Variants in RBFOX3 observed in about 807,000 individuals in gnomAD.
The protein encoded by RBFOX3 is RNA binding protein fox-1 homolog 3.
A neutral mutation model predicts 48.7 loss-of-function variants in RBFOX3; 17 were observed. The observed-to-expected ratio is 0.35, with a 90% confidence interval of 0.24 to 0.52. The LOEUF is 0.52. Ranked by LOEUF, RBFOX3 falls within the 20% of genes least tolerant of loss-of-function variation. The pLI, the probability that RBFOX3 is intolerant of heterozygous loss-of-function variation, is 0.94. For missense variants in RBFOX3, 382 were observed against 497.5 expected (o/e 0.77, Z 2.21); for synonymous variants, 212 against 209.5 (o/e 1.01, Z -0.10).
At chr17:79,312,062 C>T (rs1312992854) in intron 2 of RBFOX3, among the ~76,000 whole-genome samples, 3 of 152,156 alleles carry the variant, frequency 2.0e-5, no homozygotes, top group Non-Finnish European at 4.4e-5. Flanking sequence ...GTATCAATAA[C>T]TGCAAAGCAA....
At chr17:79,570,367 T>C (rs1385446498) in intron 1 of RBFOX3, among the ~76,000 whole-genome samples, 3 of 152,078 alleles carry the variant, frequency 2.0e-5, no homozygotes, top group African/African-American at 7.2e-5. Context: ...GAATGGTAGA[T>C]GGACAGATGG....
At chr17:79,562,285 A>G (rs1326589428) in intron 1 of RBFOX3, among the ~76,000 whole-genome samples, 3 of 152,088 alleles carry the variant, frequency 2.0e-5, no homozygotes, top group African/African-American at 7.2e-5. Context: ...CCATCCACAC[A>G]CGGAGCTGAG....
intron 4 of RBFOX3, among the ~76,000 whole-genome samples, chr17:79,138,824 C>CT (rs1239581814): frequency 2.2e-5 from 3 of 134,220 alleles, no homozygotes; most frequent in Non-Finnish European, 4.6e-5. Flanking sequence ...TTCACACCCC[C>CT]TCACCCACAC....
chr17:79,175,320 G>C (rs1278062399), intron 4 of RBFOX3, among the ~76,000 whole-genome samples: 1 of 152,240 alleles, frequency 6.6e-6, no homozygotes, highest in African/African-American at 2.4e-5. Context: ...GCTCACGCTA[G>C]GCCACCAGGC....
At chr17:79,631,449 A>G in the RBFOX3 span, among the ~76,000 whole-genome samples, 33 of 152,112 alleles carry the variant, frequency 2.2e-4, no homozygotes, top group Non-Finnish European at 4.7e-4. Flanking sequence ...AGTGTCAGAC[A>G]CCAGCTTGTA....
At chr17:79,372,099 C>G (rs1165428508) in intron 2 of RBFOX3, among the ~76,000 whole-genome samples, 1 of 152,156 alleles carries the variant, frequency 6.6e-6, no homozygotes, top group East Asian at 1.9e-4. Context: ...ACGCCAGTAA[C>G]TGCGAGGATG....
chr17:79,564,469 A>C (rs2092379527), intron 1 of RBFOX3, among the ~76,000 whole-genome samples: 1 of 152,198 alleles, frequency 6.6e-6, no homozygotes, highest in Non-Finnish European at 1.5e-5. Context: ...ACATCTTAAT[A>C]GGAGCCGAAC....
intron 2 of RBFOX3, among the ~76,000 whole-genome samples, chr17:79,385,531 G>A (rs576152345): frequency 6.6e-6 from 1 of 152,226 alleles, no homozygotes; most frequent in African/African-American, 2.4e-5. Context: ...CAGAGCTGCT[G>A]GCTGAGCCTG....
At chr17:79,476,886 G>A (rs368600170) in intron 2 of RBFOX3, among the ~76,000 whole-genome samples, 30 of 151,188 alleles carry the variant, frequency 2.0e-4, no homozygotes, top group African/African-American at 7.0e-4. Flanking sequence ...AAGAAGTAGG[G>A]GGAGAGAAAA....
At chr17:79,496,135 C>A (rs960374825) in intron 1 of RBFOX3, among the ~76,000 whole-genome samples, 6 of 151,968 alleles carry the variant, frequency 3.9e-5, no homozygotes, top group African/African-American at 7.3e-5. Context: ...TGAGAGTCCC[C>A]CTCTCGGGCT....
At chr17:79,487,913 G>GAAA (rs60345819) in intron 1 of RBFOX3, among the ~76,000 whole-genome samples, 6 of 76,912 alleles carry the variant, frequency 7.8e-5, no homozygotes, top group East Asian at 4.0e-4. Context: ...CCCCATCTCA[G>GAAA]AAAAAAAAAA....
At chr17:79,464,606 T>C (rs1410171353) in intron 2 of RBFOX3, among the ~76,000 whole-genome samples, 2 of 152,204 alleles carry the variant, frequency 1.3e-5, no homozygotes, top group African/African-American at 4.8e-5. Context: ...CAACTCTTTT[T>C]ATAGCAAGTG....
rs1451148998 is a variant in RBFOX3 at position 79,252,091 on chromosome 17, TG to T, written c.-73-16287del. On this transcript the variant is annotated intron_variant, in intron 3 of 14. Transcript: ENST00000693108. The surrounding 1 kb of genome is among the most constrained non-coding windows in gnomAD (Gnocchi z 4.0). Reference sequence around the variant, plus strand: ...ATGCCTCTGGAAGCACACTTTGTCCTGGGCTGGCCCACACCCTCCTGGTCTC... The same window carrying T: ...ATGCCTCTGGAAGCACACTTTGTCCTGGCTGGCCCACACCCTCCTGGTCTC... Among the ~76,000 whole-genome samples the T allele has an allele frequency of 6.6e-6, 1 of 152,200 alleles. No individual in the cohort carries two copies. The highest frequency in any genetic ancestry group is 1.5e-5 in the Non-Finnish European group (1 of 68,028).
intron 2 of RBFOX3, among the ~76,000 whole-genome samples, chr17:79,426,463 G>A (rs1290338604): frequency 6.6e-6 from 1 of 152,204 alleles, no homozygotes; most frequent in Non-Finnish European, 1.5e-5. Context: ...GAGCACTCGC[G>A]ACACAGTGTT....
intron 1 of RBFOX3, among the ~76,000 whole-genome samples, chr17:79,485,448 A>T (rs1472327556): frequency 6.6e-6 from 1 of 151,934 alleles, no homozygotes; most frequent in Non-Finnish European, 1.5e-5. Context: ...AGAAGCTCCA[A>T]CCCCACTGCT....
chr17:79,491,801 C>T (rs956215190), intron 1 of RBFOX3, among the ~76,000 whole-genome samples: 6 of 152,108 alleles, frequency 3.9e-5, no homozygotes, highest in Non-Finnish European at 1.5e-5. Context: ...GGCACAAGGC[C>T]GGGCATGGTG....
At chr17:79,643,278 A>G in the RBFOX3 span, among the ~76,000 whole-genome samples, 1 of 152,218 alleles carries the variant, frequency 6.6e-6, no homozygotes, top group African/African-American at 2.4e-5. Flanking sequence ...ATTCGCAAGC[A>G]TAAAGGGCCT....
chr17:79,478,376 C>T (rs1555764235), intron 2 of RBFOX3, among the ~76,000 whole-genome samples: 1 of 152,148 alleles, frequency 6.6e-6, no homozygotes, highest in East Asian at 1.9e-4. Context: ...ACACTCAGCC[C>T]CATGGCGTGT....
At chr17:79,324,078 C>T (rs911817726) in intron 2 of RBFOX3, among the ~76,000 whole-genome samples, 1 of 152,166 alleles carries the variant, frequency 6.6e-6, no homozygotes, top group Non-Finnish European at 1.5e-5. Context: ...GGGAGCTTGC[C>T]AGAGCCACAC....
Sources: allele counts gnomAD v4.1 joint callset (sites outside exome capture counted in the v4.1 genomes callset), GRCh38; gene constraint gnomAD v4.1.1; non-coding constraint Gnocchi (gnomAD v3.1); transcripts MANE v1.5; gene names NCBI Gene and HGNC (gene_info 2026-07-23, HGNC 2026-07-21).